Variants in NKAIN3 observed in about 807,000 individuals in gnomAD.
The protein encoded by NKAIN3 is sodium/potassium-transporting ATPase subunit beta-1-interacting protein 3.
In NKAIN3, 25 loss-of-function variants were observed where a neutral mutation model predicts 30.2. The ratio of observed to expected loss-of-function variants is 0.83; its 90% CI spans 0.60 to 1.16. The LOEUF is 1.16. NKAIN3 is among the 50% of genes most tolerant of loss of function. The pLI is 0.00. For synonymous variants in NKAIN3, 91 were observed against 89.6 expected (o/e 1.02, Z -0.09); for missense variants, 225 against 254.1 (o/e 0.89, Z 0.78).
At chr8:62,852,972 A>C (rs1344497658) in intron 4 of NKAIN3, among the ~76,000 whole-genome samples, 1 of 152,076 alleles carries the variant, frequency 6.6e-6, no homozygotes. Context: ...TATTAGGTCC[A>C]CTTGGTGCAG....
At chr8:62,480,305 A>T (rs1023757086) in intron 1 of NKAIN3, among the ~76,000 whole-genome samples, 1 of 152,198 alleles carries the variant, frequency 6.6e-6, no homozygotes, top group Non-Finnish European at 1.5e-5. Context: ...GTGTGAGGCT[A>T]TGTTAATTAG....
chr8:62,828,639 T>C (rs1819101991), intron 4 of NKAIN3, among the ~76,000 whole-genome samples: 1 of 152,160 alleles, frequency 6.6e-6, no homozygotes, highest in Admixed American at 6.6e-5. Flanking sequence ...ACTCTTTGAA[T>C]CTGTTAGAGC....
intron 1 of NKAIN3, among the ~76,000 whole-genome samples, chr8:62,284,162 G>A (rs1329054930): frequency 6.6e-6 from 1 of 152,128 alleles, no homozygotes; most frequent in Non-Finnish European, 1.5e-5. Flanking sequence ...CCAGGGTGAG[G>A]TGGGCCAACA....
intron 3 of NKAIN3, among the ~76,000 whole-genome samples, chr8:62,699,704 G>A (rs994041434): frequency 6.6e-6 from 1 of 152,166 alleles, no homozygotes; most frequent in Non-Finnish European, 1.5e-5. Flanking sequence ...TAACATTCCT[G>A]GAGTTATGAT....
intron 1 of NKAIN3, among the ~76,000 whole-genome samples, chr8:62,363,841 G>GA (rs1390493777): frequency 7.8e-6 from 1 of 128,134 alleles, no homozygotes; most frequent in Non-Finnish European, 1.6e-5. Flanking sequence ...CTATTTGAAA[G>GA]AAAAAGATAG....
At chr8:62,843,396 G>T (rs1012274845) in intron 4 of NKAIN3, among the ~76,000 whole-genome samples, 1 of 151,326 alleles carries the variant, frequency 6.6e-6, no homozygotes, top group Admixed American at 6.6e-5. Context: ...GAATGCTGTG[G>T]TGCTATGTCA....
chr8:62,337,571 G>GTA (rs1294966562), intron 1 of NKAIN3, among the ~76,000 whole-genome samples: 1 of 22,224 alleles, frequency 4.5e-5, no homozygotes, highest in Admixed American at 5.0e-4. Flanking sequence ...GTCAAGTATA[G>GTA]TACATATATA....
chr8:62,878,082 C>A (rs542595983), intron 4 of NKAIN3, among the ~76,000 whole-genome samples: 1 of 149,256 alleles, frequency 6.7e-6, no homozygotes, highest in South Asian at 2.1e-4. Context: ...AAATACGGGA[C>A]TTTGCATTTC....
In NKAIN3 at chr8:62,912,663, A is replaced by C. The variant is rs571306682; in HGVS notation, c.472-5790A>C. On this transcript the variant is annotated intron_variant, in intron 4 of 6. Transcript: ENST00000623646. ...AGTGGCTCACGCCTCTAATCCCAAC[A>C]CTTTGGGAGGCTGAGGAGGACGGAT... Among the ~76,000 whole-genome samples, 42 of 152,256 alleles carry C rather than the reference A, an allele frequency of 2.8e-4. No individual in the cohort carries two copies. The South Asian group carries it at 8.7e-3, about 32-fold the overall frequency.
At chr8:62,443,322 T>C (rs956521853) in intron 1 of NKAIN3, among the ~76,000 whole-genome samples, 87 of 152,136 alleles carry the variant, frequency 5.7e-4, no homozygotes, top group Non-Finnish European at 8.8e-4. Context: ...TTATATATTG[T>C]CCTTCATTGC....
intron 1 of NKAIN3, among the ~76,000 whole-genome samples, chr8:62,576,708 A>G (rs1337113629): frequency 6.6e-6 from 1 of 152,156 alleles, no homozygotes; most frequent in Admixed American, 6.6e-5. Context: ...TTCCCAACTT[A>G]AGTTCACTGA....
intron 1 of NKAIN3, among the ~76,000 whole-genome samples, chr8:62,351,610 A>G (rs143174939): frequency 1.3e-5 from 2 of 151,966 alleles, no homozygotes; most frequent in Non-Finnish European, 2.9e-5. Context: ...AGCATCTTGT[A>G]GTTTGTGCAA....
intron 6 of NKAIN3, among the ~76,000 whole-genome samples, chr8:62,957,219 C>T (rs1311767116): frequency 6.6e-6 from 1 of 152,174 alleles, no homozygotes; most frequent in Non-Finnish European, 1.5e-5. Context: ...CTGCAAGCTC[C>T]GCCTCCTGAG....
Position 62,418,841 on chromosome 8 carries a change from C to T in NKAIN3, c.55-160698C>T, listed in dbSNP as rs545221048. Among the ~76,000 whole-genome samples the T allele has an allele frequency of 3.3e-5, 5 of 152,244 alleles. No individual in the cohort carries two copies. The East Asian group carries it at 9.7e-4, about 29-fold the overall frequency. On this transcript the variant is annotated intron_variant, in intron 1 of 6. Coordinates refer to ENST00000623646, the MANE Select transcript of NKAIN3 (RefSeq NM_001304533.3). ...GGTTAGCCTCCTCTAGTACTGCAACCGCTTTATTTGCTCATAGATCCGCTG... is the reference window on the plus strand; with the variant it reads ...GGTTAGCCTCCTCTAGTACTGCAACTGCTTTATTTGCTCATAGATCCGCTG...
chr8:62,472,626 A>G (rs1283972450), intron 1 of NKAIN3, among the ~76,000 whole-genome samples: 2 of 152,186 alleles, frequency 1.3e-5, no homozygotes, highest in Admixed American at 6.5e-5. Context: ...AAGGGATCCA[A>G]GAAAAATGCC....
At chr8:62,293,295 TGGA>T (rs1223137141) in intron 1 of NKAIN3, among the ~76,000 whole-genome samples, 2 of 152,362 alleles carry the variant, frequency 1.3e-5, no homozygotes, top group East Asian at 1.9e-4. Context: ...TGCGTTCCTT[TGGA>T]GGAGAAGAGG....
chr8:62,426,746 A>G (rs1191481800), intron 1 of NKAIN3, among the ~76,000 whole-genome samples: 5 of 152,002 alleles, frequency 3.3e-5, no homozygotes, highest in Admixed American at 3.3e-4. Context: ...CATAGGAGCA[A>G]TGCTGAAGTT....
intron 1 of NKAIN3, among the ~76,000 whole-genome samples, chr8:62,381,395 A>G (rs1433804418): frequency 6.6e-6 from 1 of 152,168 alleles, no homozygotes; most frequent in Non-Finnish European, 1.5e-5. Context: ...TCTTCTTTAT[A>G]AAGGGATGCC....
At chr8:62,254,254 G>A (rs1183563243) in intron 1 of NKAIN3, among the ~76,000 whole-genome samples, 1 of 151,342 alleles carries the variant, frequency 6.6e-6, no homozygotes, top group Non-Finnish European at 1.5e-5. Flanking sequence ...GATACTTTAA[G>A]ATTCTGAGAC....
Sources: allele counts gnomAD v4.1 joint callset (sites outside exome capture counted in the v4.1 genomes callset), GRCh38; gene constraint gnomAD v4.1.1; transcripts MANE v1.5; gene names NCBI Gene and HGNC (gene_info 2026-07-23, HGNC 2026-07-21).